Variants in MAGI2 observed in about 807,000 individuals in gnomAD.
The protein encoded by MAGI2 is membrane-associated guanylate kinase, WW and PDZ domain-containing protein 2.
In MAGI2, 35 loss-of-function variants were observed where a neutral mutation model predicts 133.3. The observed-to-expected ratio is 0.26, with a 90% CI of 0.20 to 0.35. The LOEUF is 0.35. MAGI2 is among the 10% of genes least tolerant of loss of function. The pLI is 1.00. For synonymous variants in MAGI2, 729 were observed against 710.6 expected, an observed-to-expected ratio of 1.03 and a Z score of -0.41; for missense variants, 1,636 against 1,863.4, an observed-to-expected ratio of 0.88 and a Z score of 2.25.
intron 9 of MAGI2, among the ~76,000 whole-genome samples, chr7:78,273,742 T>C (rs1047544003): frequency 6.6e-6 from 1 of 152,200 alleles, no homozygotes; most frequent in African/African-American, 2.4e-5. Flanking sequence ...TTGATACTTA[T>C]GTATACTTCA....
chr7:79,033,091 T>C (rs1420528231), intron 1 of MAGI2, among the ~76,000 whole-genome samples: 1 of 152,186 alleles, frequency 6.6e-6, no homozygotes, highest in East Asian at 1.9e-4. Context: ...AGGTATGCTC[T>C]TGGATCTGTT....
At chr7:78,347,258 A>AC (rs1791017608) in intron 7 of MAGI2, 2 of 152,378 alleles carry the variant, frequency 1.3e-5, no homozygotes, top group Non-Finnish European at 1.5e-5. Context: ...AGACAGAAGC[A>AC]GCAACATCTC....
At chr7:78,839,628 G>A (rs1207787086) in intron 2 of MAGI2, among the ~76,000 whole-genome samples, 1 of 152,006 alleles carries the variant, frequency 6.6e-6, no homozygotes, top group Non-Finnish European at 1.5e-5. Context: ...GAAGAACAAA[G>A]GAGGAACTTC....
intron 2 of MAGI2, among the ~76,000 whole-genome samples, chr7:78,741,274 G>A (rs1309715797): frequency 6.6e-6 from 1 of 151,806 alleles, no homozygotes; most frequent in East Asian, 1.9e-4. Flanking sequence ...CGTAATGAGA[G>A]TGAGGTGACA....
intron 13 of MAGI2, among the ~76,000 whole-genome samples, chr7:78,182,725 T>C (rs1364237044): frequency 6.6e-6 from 1 of 152,236 alleles, no homozygotes; most frequent in Non-Finnish European, 1.5e-5. Flanking sequence ...TTATTTGATA[T>C]CGTTGATGCA....
intron 1 of MAGI2, among the ~76,000 whole-genome samples, chr7:79,241,391 GC>G (rs1421606320): frequency 2.6e-5 from 4 of 152,180 alleles, no homozygotes; most frequent in Admixed American, 2.6e-4. Flanking sequence ...ACACTGTCTT[GC>G]TTTTAGCTTC....
intron 1 of MAGI2, among the ~76,000 whole-genome samples, chr7:79,234,936 T>G (rs1015081872): frequency 2.6e-5 from 4 of 152,052 alleles, no homozygotes; most frequent in African/African-American, 9.7e-5. Flanking sequence ...TATCTACTTT[T>G]GGTCTTTGAT....
intron 2 of MAGI2, among the ~76,000 whole-genome samples, chr7:78,821,584 T>A (rs922232463): frequency 6.6e-6 from 1 of 151,996 alleles, no homozygotes; most frequent in Non-Finnish European, 1.5e-5. Flanking sequence ...ACTTTTAATA[T>A]TTTTAAAACA....
chr7:78,939,407 G>T (rs2151675471), intron 2 of MAGI2, among the ~76,000 whole-genome samples: 1 of 152,250 alleles, frequency 6.6e-6, no homozygotes, highest in Non-Finnish European at 1.5e-5. Context: ...GGGCTGAATG[G>T]ACATTCTAAC....
intron 2 of MAGI2, among the ~76,000 whole-genome samples, chr7:78,805,223 ATTAG>A (rs1182356263): frequency 6.6e-6 from 1 of 151,566 alleles, no homozygotes; most frequent in East Asian, 1.9e-4. Flanking sequence ...GCATTTACTA[ATTAG>A]TTTCACCTTG....
At chr7:79,163,016 A>AAAAAC (rs967964290) in intron 1 of MAGI2, among the ~76,000 whole-genome samples, 8 of 152,164 alleles carry the variant, frequency 5.3e-5, no homozygotes, top group Non-Finnish European at 1.0e-4. Context: ...CCAAGGGACA[A>AAAAAC]AAAACAAAAC....
intron 2 of MAGI2, among the ~76,000 whole-genome samples, chr7:78,899,614 G>T (rs992613698): frequency 2.6e-5 from 4 of 152,128 alleles, no homozygotes; most frequent in African/African-American, 4.8e-5. Flanking sequence ...GTACTGCAGA[G>T]GTTGTCAAAC....
intron 2 of MAGI2, among the ~76,000 whole-genome samples, chr7:78,697,908 C>T (rs1400597270): frequency 6.6e-6 from 1 of 152,090 alleles, no homozygotes; most frequent in Non-Finnish European, 1.5e-5. Flanking sequence ...AAAAAGTATA[C>T]CTATTCACTT....
intron 21 of MAGI2, among the ~76,000 whole-genome samples, chr7:78,046,227 C>A (rs1264944981): frequency 7.2e-6 from 1 of 138,774 alleles, no homozygotes; most frequent in African/African-American, 2.7e-5. Context: ...GAAACCCTGT[C>A]TCTACTAAAA....
At chr7:78,447,555 C>T (rs1461102483) in intron 6 of MAGI2, among the ~76,000 whole-genome samples, 4 of 151,896 alleles carry the variant, frequency 2.6e-5, no homozygotes, top group East Asian at 1.9e-4. Context: ...TGGAGGTCAG[C>T]GGGGGAGGTA....
intron 9 of MAGI2, among the ~76,000 whole-genome samples, chr7:78,278,686 C>T (rs950269977): frequency 3.9e-5 from 6 of 152,164 alleles, no homozygotes; most frequent in African/African-American, 1.4e-4. Context: ...GGCCAGGTCT[C>T]ATCCAATCAG....
At chr7:79,345,837 C>A (rs1490387628) in intron 1 of MAGI2, among the ~76,000 whole-genome samples, 1 of 152,002 alleles carries the variant, frequency 6.6e-6, no homozygotes, top group Admixed American at 6.6e-5. Context: ...GATTTTCATT[C>A]ATTTTGCATT....
chr7:78,428,061 G>A (rs1413727182), intron 6 of MAGI2, among the ~76,000 whole-genome samples: 3 of 152,114 alleles, frequency 2.0e-5, no homozygotes, highest in South Asian at 2.1e-4. Flanking sequence ...AAACAGGAAC[G>A]CATCGTAACA....
At chr7:79,283,606 T>G (rs569844478) in intron 1 of MAGI2, among the ~76,000 whole-genome samples, 1 of 152,196 alleles carries the variant, frequency 6.6e-6, no homozygotes, top group Admixed American at 6.6e-5. Context: ...GAATATGTGA[T>G]GCAATTATGG....
Sources: gnomAD v4.1 joint callset for allele counts (sites outside exome capture counted in the v4.1 genomes callset) on GRCh38, gnomAD v4.1.1 for gene constraint, MANE v1.5 for transcripts, NCBI Gene and HGNC (gene_info 2026-07-23, HGNC 2026-07-21) for gene names.